CNOT4: variants seen among roughly 807,000 people sequenced by gnomAD.
CNOT4 encodes the protein CCR4-NOT transcription complex subunit 4.
In CNOT4, 8 loss-of-function variants were observed where a neutral mutation model predicts 73.8. The observed-to-expected ratio is 0.11, with a 90% CI of 0.06 to 0.20. The LOEUF is 0.20. Ranked by LOEUF, CNOT4 falls within the 10% of genes least tolerant of loss-of-function variation. The pLI, the probability that CNOT4 is intolerant of heterozygous loss-of-function variation, is 1.00. For missense variants in CNOT4, 564 were observed against 883.4 expected, an observed-to-expected ratio of 0.64 and a Z score of 4.58; for synonymous variants, 293 against 321.1, an observed-to-expected ratio of 0.91 and a Z score of 0.94.
In CNOT4 at chr7:135,453,989, C is replaced by CATATATATATAT. The variant is rs371504271; in HGVS notation, c.-92-15578_-92-15567dup. 7.9e-4 allele frequency among the ~76,000 whole-genome samples: 106 copies of CATATATATATAT among 133,992 alleles called. 1 individual carries two copies. The highest frequency in any genetic ancestry group is 2.5e-3 in the African/African-American group (91 of 36,820). 87.9% of individuals were successfully genotyped at this position (133,992 alleles called of 152,430 possible). On this transcript the variant is annotated intron_variant, in intron 1 of 11. Transcript: ENST00000541284. ...CCTATCTCTATAAAAAATATATATA[C>CATATATATATAT]ATATATATATATATATATATTTGAT...
chr7:135,450,896 G>C (rs1189648805), intron 1 of CNOT4, among the ~76,000 whole-genome samples: 1 of 152,082 alleles, frequency 6.6e-6, no homozygotes, highest in African/African-American at 2.4e-5. Flanking sequence ...GGCAGAGGTT[G>C]CAGTGAGCCG....
At chr7:135,485,978 A>G (rs928892012) in intron 1 of CNOT4, among the ~76,000 whole-genome samples, 3 of 152,180 alleles carry the variant, frequency 2.0e-5, no homozygotes, top group Admixed American at 2.0e-4. Flanking sequence ...ATAACCCTAC[A>G]AAGAGGATGA....
At chr7:135,486,055 G>T (rs115327568) in intron 1 of CNOT4, among the ~76,000 whole-genome samples, 1,709 of 152,208 alleles carry the variant, frequency 0.011, 36 homozygotes, top group African/African-American at 0.039. Context: ...CTAGTATCCA[G>T]ACTGTATAAA....
chr7:135,447,033 G>A (rs975584694), intron 1 of CNOT4, among the ~76,000 whole-genome samples: 2 of 143,592 alleles, frequency 1.4e-5, no homozygotes, highest in African/African-American at 2.5e-5. Context: ...CATTTATGAC[G>A]GTATACCATG....
At chr7:135,499,827 C>T (rs749771597) in intron 1 of CNOT4, among the ~76,000 whole-genome samples, 3 of 152,114 alleles carry the variant, frequency 2.0e-5, no homozygotes, top group Non-Finnish European at 4.4e-5. Flanking sequence ...GATATCTCAA[C>T]TCAAATCTCA....
chr7:135,455,752 T>C (rs1343870000), intron 1 of CNOT4, among the ~76,000 whole-genome samples: 1 of 152,116 alleles, frequency 6.6e-6, no homozygotes, highest in Non-Finnish European at 1.5e-5. Context: ...TGCATGCCTG[T>C]AGTCCCAATT....
At chr7:135,508,727 C>G (rs1256100912) in intron 1 of CNOT4, among the ~76,000 whole-genome samples, 1 of 152,140 alleles carries the variant, frequency 6.6e-6, no homozygotes, top group Non-Finnish European at 1.5e-5. Context: ...CAATACAGAA[C>G]CCACACATAA....
intron 1 of CNOT4, among the ~76,000 whole-genome samples, chr7:135,450,724 T>C (rs1800107287): frequency 6.6e-6 from 1 of 152,200 alleles, no homozygotes; most frequent in South Asian, 2.1e-4. Flanking sequence ...CACACATTTC[T>C]CTATAAAATA....
chr7:135,424,817 A>AC (rs201294561), intron 2 of CNOT4, among the ~76,000 whole-genome samples: 10,045 of 151,932 alleles, frequency 0.066, 483 homozygotes, highest in South Asian at 0.14. Flanking sequence ...AAACAAACAA[A>AC]AAAAAACAAA....
At chr7:135,495,907 C>A (rs1803543406) in intron 1 of CNOT4, among the ~76,000 whole-genome samples, 1 of 151,832 alleles carries the variant, frequency 6.6e-6, no homozygotes, top group South Asian at 2.1e-4. Flanking sequence ...GCACTCCAGC[C>A]TGGAAAACAA....
intron 10 of CNOT4, among the ~76,000 whole-genome samples, chr7:135,379,868 C>G (rs1380395896): frequency 6.6e-6 from 1 of 152,182 alleles, no homozygotes; most frequent in Admixed American, 6.5e-5. Context: ...TAGAACACCC[C>G]ACTAAAGTTC....
intron 1 of CNOT4, among the ~76,000 whole-genome samples, chr7:135,455,679 A>T (rs1186567622): frequency 6.6e-6 from 1 of 152,142 alleles, no homozygotes; most frequent in Non-Finnish European, 1.5e-5. Context: ...GCTCAAGACC[A>T]GCCTGGCCAA....
chr7:135,475,614 G>A (rs1384330529), intron 1 of CNOT4, among the ~76,000 whole-genome samples: 1 of 152,054 alleles, frequency 6.6e-6, no homozygotes, highest in African/African-American at 2.4e-5. Context: ...AATAATTTGA[G>A]TAAAATAAAA....
chr7:135,402,879 G>A (rs1054165409), intron 7 of CNOT4, among the ~76,000 whole-genome samples: 1 of 152,018 alleles, frequency 6.6e-6, no homozygotes, highest in South Asian at 2.1e-4. Flanking sequence ...CCTTAATGGC[G>A]ATGCCAACCA....
intron 1 of CNOT4, among the ~76,000 whole-genome samples, chr7:135,487,203 A>T (rs558162162): frequency 6.9e-4 from 104 of 150,026 alleles, no homozygotes; most frequent in Non-Finnish European, 1.1e-3. Context: ...TTTTTTTTTA[A>T]TACTCTTCCT....
chr7:135,431,289 G>GATTGGA (rs1292735612), intron 2 of CNOT4, among the ~76,000 whole-genome samples: 1 of 152,172 alleles, frequency 6.6e-6, no homozygotes, highest in African/African-American at 2.4e-5. Context: ...AAAAAGCAGA[G>GATTGGA]ATTGGAAAGG....
intron 10 of CNOT4, among the ~76,000 whole-genome samples, chr7:135,378,968 C>A (rs1320115502): frequency 8.4e-6 from 1 of 119,690 alleles, no homozygotes; most frequent in African/African-American, 3.2e-5. Flanking sequence ...CTGGGCAACA[C>A]AGTGAAACCC....
At chr7:135,372,104 T>A (rs990837302) in intron 10 of CNOT4, among the ~76,000 whole-genome samples, 1 of 152,210 alleles carries the variant, frequency 6.6e-6, no homozygotes, top group Non-Finnish European at 1.5e-5. Context: ...ATGGAAGGTG[T>A]CAACCACCCT....
In CNOT4 at chr7:135,426,520, G is replaced by A. The variant is rs183379921; in HGVS notation, c.175-4167C>T. Among the ~76,000 whole-genome samples the A allele has an allele frequency of 1.2e-3, 183 of 151,108 alleles. 1 individual carries two copies. The highest frequency in any genetic ancestry group is 4.1e-3 in the African/African-American group (170 of 41,150). On this transcript the variant is annotated intron_variant, in intron 2 of 11. Coordinates refer to ENST00000541284, the MANE Select transcript of CNOT4 (RefSeq NM_001190850.2). ...CAGAAGGCTGGAGCAGGAGAATGGC[G>A]TGAACCCAGGAGGCAGAACTTGCAG...
Sources: allele counts gnomAD v4.1 joint callset (sites outside exome capture counted in the v4.1 genomes callset), GRCh38; gene constraint gnomAD v4.1.1; transcripts MANE v1.5; gene names NCBI Gene and HGNC (gene_info 2026-07-23, HGNC 2026-07-21).